The following POLK variants were observed in gnomAD, a reference collection of about 807,000 sequenced individuals.
POLK encodes the protein DNA polymerase kappa, also known as polymerase (DNA directed) kappa.
A neutral mutation model predicts 94.0 loss-of-function variants in POLK; 76 were observed. The ratio of observed to expected loss-of-function variants is 0.81; its 90% confidence interval spans 0.67 to 0.98. The LOEUF is 0.98. POLK is among the 50% of genes least tolerant of loss of function. The pLI is 0.00. For synonymous variants in POLK, 349 were observed against 325.4 expected (o/e 1.07, Z -0.78); for missense variants, 954 against 1,010.1 (o/e 0.94, Z 0.75).
intron 6 of POLK, among the ~76,000 whole-genome samples, chr5:75,580,808 C>A (rs1772155487): frequency 6.7e-6 from 1 of 149,510 alleles, no homozygotes; most frequent in Non-Finnish European, 1.5e-5. Flanking sequence ...TTATTATATT[C>A]TAAATTCTAA....
At chr5:75,533,296 T>C (rs1348736195) in intron 1 of POLK, among the ~76,000 whole-genome samples, 1 of 152,242 alleles carries the variant, frequency 6.6e-6, no homozygotes, top group Non-Finnish European at 1.5e-5. Context: ...TTCAGTCTTA[T>C]GGATGTGGCT....
intron 1 of POLK, among the ~76,000 whole-genome samples, chr5:75,537,307 C>T (rs1769491236): frequency 6.6e-6 from 1 of 152,242 alleles, no homozygotes; most frequent in Non-Finnish European, 1.5e-5. Context: ...CAGGGGGAAT[C>T]TCCCATTCCC....
At chr5:75,553,941 G>A (rs1770461107) in intron 3 of POLK, among the ~76,000 whole-genome samples, 1 of 152,032 alleles carries the variant, frequency 6.6e-6, no homozygotes, top group South Asian at 2.1e-4. Context: ...AGAGACCCAG[G>A]TTCTTTAAAT....
chr5:75,511,447 CCGCCGCCGTCGCCGT>C, upstream of POLK: 2 of 1,534,348 alleles, frequency 1.3e-6, no homozygotes. Flanking sequence ...CCGTCAGCCG[CCGCCGCCGTCGCCGT>C]GACCCCTGCG....
intron 5 of POLK, among the ~76,000 whole-genome samples, chr5:75,575,854 A>G (rs3097147): frequency 6.6e-6 from 1 of 152,048 alleles, no homozygotes; most frequent in Admixed American, 6.6e-5. Flanking sequence ...CTCATGATAC[A>G]GTAGACAGTT....
chr5:75,576,725 C>G, intron 5 of POLK, 55 bp from the exon 6 acceptor site: 2 of 896,906 alleles, frequency 2.2e-6, no homozygotes, highest in South Asian at 5.1e-5. Flanking sequence ...CTACATATGA[C>G]AGAAGAAGTT....
Position 75,579,637 on chromosome 5 carries a change from C to T in POLK, c.695-1572C>T, listed in dbSNP as rs537935559. ...CTTCCCAAAGTGCTGGGATTACAGACGTGAGCCACCTTGCCTGGCCTGTTT... is the reference window on the plus strand; with the variant it reads ...CTTCCCAAAGTGCTGGGATTACAGATGTGAGCCACCTTGCCTGGCCTGTTT... On this transcript the variant is annotated intron_variant, in intron 6 of 14. Transcript: ENST00000241436. 1.6e-3 allele frequency among the ~76,000 whole-genome samples: 244 copies of T among 152,034 alleles called. 1 individual carries two copies. Among genetic ancestry groups the T allele is most frequent in the Non-Finnish European group, 2.9e-3 (200 of 67,958 alleles).
intron 1 of POLK, chr5:75,513,021 A>T (rs1768142890): frequency 6.6e-6 from 1 of 152,172 alleles, no homozygotes; most frequent in African/African-American, 2.4e-5. Flanking sequence ...CCAGCTCTTT[A>T]TATCCTGGTT....
At chr5:75,583,516 A>C (rs1357237589) in intron 8 of POLK, 99 bp downstream of exon 8, 1 of 641,724 alleles carries the variant, frequency 1.6e-6, no homozygotes, top group African/African-American at 1.9e-5. Flanking sequence ...AAAAGTTTTA[A>C]AATAATAGAT....
chr5:75,562,098 C>T (rs1485279642), intron 3 of POLK, among the ~76,000 whole-genome samples: 2 of 152,140 alleles, frequency 1.3e-5, no homozygotes, highest in African/African-American at 4.8e-5. Context: ...TTACTTTGGG[C>T]AGTATGGCCA....
At chr5:75,573,675 G>T in intron 4 of POLK, 63 bp from the exon 5 acceptor site, 2 of 1,272,574 alleles carry the variant, frequency 1.6e-6, no homozygotes, top group Non-Finnish European at 1.1e-6. Flanking sequence ...TCTTATGAAT[G>T]CATTGATCAA....
exon 13 of POLK, chr5:75,596,462 A>G (rs369528511): frequency 1.2e-6 from 2 of 1,614,044 alleles, no homozygotes. Context: ...GCCGTGAATA[A>G]ACAAAGTTTC....
chr5:75,585,628 C>T (rs1441012133), intron 9 of POLK, among the ~76,000 whole-genome samples: 1 of 151,948 alleles, frequency 6.6e-6, no homozygotes, highest in Non-Finnish European at 1.5e-5. Flanking sequence ...GGGTTTTCTT[C>T]CCTGCCACTC....
intron 1 of POLK, among the ~76,000 whole-genome samples, chr5:75,521,367 C>A (rs556300681): frequency 2.0e-5 from 3 of 151,906 alleles, no homozygotes; most frequent in Non-Finnish European, 4.4e-5. Context: ...GCTTGATCCA[C>A]TATGTTGTTG....
chr5:75,566,357 G>T (rs934245111), intron 3 of POLK, among the ~76,000 whole-genome samples: 1 of 152,168 alleles, frequency 6.6e-6, no homozygotes, highest in Admixed American at 6.5e-5. Context: ...CTTCAGCCCC[G>T]TTTCCCAGGG....
chr5:75,537,302 G>A (rs1176799800), intron 1 of POLK, among the ~76,000 whole-genome samples: 2 of 152,182 alleles, frequency 1.3e-5, no homozygotes, highest in Admixed American at 6.5e-5. Flanking sequence ...GTGGTCAGGG[G>A]GAATCTCCCA....
At chr5:75,581,423 G>C in exon 7 of POLK, 1 of 1,613,616 alleles carries the variant, frequency 6.2e-7, no homozygotes, top group Non-Finnish European at 8.5e-7. Flanking sequence ...GAATTGAGCA[G>C]AAAACAACAC....
At chr5:75,601,053 T>A (rs1417746369) in exon 15 of POLK, 1 of 152,158 alleles carries the variant, frequency 6.6e-6, no homozygotes, top group Non-Finnish European at 1.5e-5. Flanking sequence ...ATTGCATGGA[T>A]GTTCACTTTT....
intron 1 of POLK, among the ~76,000 whole-genome samples, chr5:75,545,131 CT>C (rs1167512883): frequency 1.3e-5 from 2 of 152,198 alleles, no homozygotes; most frequent in Admixed American, 1.3e-4. Flanking sequence ...ATGATGTATA[CT>C]TTTTTTCCTA....
Sources: allele counts gnomAD v4.1 joint callset (sites outside exome capture counted in the v4.1 genomes callset), GRCh38; gene constraint gnomAD v4.1.1; transcripts MANE v1.5; gene names NCBI Gene and HGNC (gene_info 2026-07-23, HGNC 2026-07-21).